AKAP8: variants seen among roughly 807,000 people sequenced by gnomAD.
AKAP8 encodes A-kinase anchor protein 8.
AKAP8 carries 24 observed loss-of-function variants against 67.5 expected under a neutral mutation model. The ratio of observed to expected loss-of-function variants is 0.36; its 90% CI spans 0.26 to 0.50. The LOEUF (loss-of-function observed/expected upper bound fraction) is 0.50, where lower values mean the gene tolerates loss of function less well. Ranked by LOEUF, AKAP8 falls within the 20% of genes least tolerant of loss-of-function variation. The pLI is 0.97. For synonymous variants in AKAP8, 400 were observed against 371.1 expected (o/e 1.08, Z -0.90); for missense variants, 971 against 955.9 (o/e 1.02, Z -0.21).
chr19:15,379,638 G>A (rs1416589372), intron 1 of AKAP8, 75 bp downstream of exon 1: 37 of 1,524,138 alleles, frequency 2.4e-5, no homozygotes, highest in Non-Finnish European at 3.2e-5. Context: ...CCCGGCCGGC[G>A]GCAGTCTGCG....
In AKAP8 at chr19:15,369,567, C is replaced by T. The variant is rs775644751; in HGVS notation, c.1072+579G>A. 7.2e-5 allele frequency among the ~76,000 whole-genome samples: 11 copies of T among 152,224 alleles called. No homozygotes were observed. Among genetic ancestry groups the T allele is most frequent in the Non-Finnish European group, 1.5e-4 (10 of 68,044 alleles). On this transcript the variant is annotated intron_variant, in intron 8 of 13. Transcript: ENST00000269701. This position sits in a 1 kb window ranked among gnomAD's most constrained non-coding sequence, Gnocchi z 4.6. ...CTGCTGTTGCTGCAGACCCTCTGGT[C>T]TCCTGCATTGGACATGAAGAGACCT...
chr19:15,375,786 G>A (rs560094937), intron 2 of AKAP8, among the ~76,000 whole-genome samples: 2 of 151,974 alleles, frequency 1.3e-5, no homozygotes, highest in South Asian at 2.1e-4. Context: ...ACAGGCGCCC[G>A]CCACCGCGCC....
At chr19:15,365,543 C>A (rs1408858430) in intron 9 of AKAP8, among the ~76,000 whole-genome samples, 2 of 152,162 alleles carry the variant, frequency 1.3e-5, no homozygotes, top group Non-Finnish European at 2.9e-5. Flanking sequence ...ACTCCACATG[C>A]CTGGCTTCTG....
intron 9 of AKAP8, 74 bp downstream of exon 9, chr19:15,368,161 G>C: frequency 6.3e-7 from 1 of 1,579,806 alleles, no homozygotes; most frequent in Non-Finnish European, 8.6e-7. Flanking sequence ...TGTGGAGCGA[G>C]GACAGGTGAG....
At chr19:15,373,643 G>T in intron 4 of AKAP8, 143 bp downstream of exon 4, 1 of 1,093,392 alleles carries the variant, frequency 9.1e-7, no homozygotes. Flanking sequence ...TAACATCACT[G>T]ACCCCCCACG....
chr19:15,372,443 G>A, intron 5 of AKAP8, 96 bp from the exon 6 acceptor site: 1 of 1,486,466 alleles, frequency 6.7e-7, no homozygotes, highest in Non-Finnish European at 9.2e-7. Context: ...GACAACACAG[G>A]CACAAAAGGT....
chr19:15,371,636 G>A (rs1338290185), intron 7 of AKAP8, among the ~76,000 whole-genome samples: 6 of 151,932 alleles, frequency 3.9e-5, no homozygotes, highest in Non-Finnish European at 7.4e-5. Context: ...CTACAGGCAA[G>A]TGCCACCACT....
At chr19:15,377,537 C>T (rs1237827700) in intron 1 of AKAP8, among the ~76,000 whole-genome samples, 1 of 152,150 alleles carries the variant, frequency 6.6e-6, no homozygotes, top group Non-Finnish European at 1.5e-5. Context: ...GCCGCGATCT[C>T]GGCTCACTGC....
intron 3 of AKAP8, among the ~76,000 whole-genome samples, 183 bp downstream of exon 3, chr19:15,374,418 CCT>C (rs1489297810): frequency 3.9e-5 from 6 of 152,230 alleles, no homozygotes; most frequent in African/African-American, 9.6e-5. Context: ...ATCATGCTCC[CCT>C]GAGGCCGCCC....
chr19:15,374,654 A>C lies in AKAP8; in HGVS notation c.59-19T>G. On this transcript the variant is annotated intron_variant, in intron 2 of 13. Transcript: ENST00000269701. ...TATGCACCTTAGGGGAAACAGAAAC[A>C]CACAAGAGCCCTGTTTGCAGAACGA... 6.2e-7 allele frequency: 1 copy of C among 1,613,068 alleles called. No homozygotes were observed. Among genetic ancestry groups the C allele is most frequent in the Middle Eastern group, 1.7e-4 (1 of 6,058 alleles).
rs1967175950 is a variant in AKAP8, at chr19:15,372,472, G to A, written c.862-125C>T. On this transcript the variant is annotated intron_variant, in intron 5 of 13. Transcript: ENST00000269701. ...AAAAGGTCTTTTCAAAAAGCAAAGA[G>A]ACAACATAATTTGAAACTAAAAAGA... The A allele has an allele frequency of 3.7e-6, 5 of 1,334,540 alleles. No homozygotes were observed. The South Asian group carries it at 4.3e-5, about 11-fold the overall frequency. 82.7% of individuals were successfully genotyped at this position (1,334,540 alleles called of 1,614,324 possible).
rs533093236 is a variant in AKAP8, at chr19:15,371,416, A to C, written c.1038+536T>G. 9.2e-5 allele frequency among the ~76,000 whole-genome samples: 14 copies of C among 152,240 alleles called. No homozygotes were observed. The South Asian group carries it at 2.9e-3, about 32-fold the overall frequency. On this transcript the variant is annotated intron_variant, in intron 7 of 13. Coordinates refer to ENST00000269701, the MANE Select transcript of AKAP8 (RefSeq NM_005858.4). ...GGAGGCTTCAGCCCACAGTCCCTGC[A>C]CTTACTGGCCTAGAGACCAGGGAGA...
At chr19:15,375,638 T>G (rs867176504) in intron 2 of AKAP8, among the ~76,000 whole-genome samples, 2 of 56,336 alleles carry the variant, frequency 3.6e-5, no homozygotes, top group African/African-American at 1.6e-4. Context: ...AAGATTTTTT[T>G]TTTGTTTTTT....
At chr19:15,357,968 C>T (rs1027999763) in intron 13 of AKAP8, among the ~76,000 whole-genome samples, 19 of 152,100 alleles carry the variant, frequency 1.2e-4, no homozygotes, top group African/African-American at 4.6e-4. Context: ...CAGGTGTGAG[C>T]CACCACGCCC....
rs569129129 is a variant in AKAP8 at position 15,355,037 on chromosome 19, C to T, written c.1957G>A (p.Ala653Thr). ...RSEAAEAGNG[A>T]ETMAAEAESA... ...TCTGCCTCTGCTGCCATTGTCTCGG[C>T]GCCATTTCCAGCCTCTGCAGCCTCA... Residue 653 changes from alanine (A) to threonine (T), a missense_variant, in exon 14 of 14, where the codon GCC (alanine) becomes ACC (threonine). This residue lies in a region of AKAP8 where 204 missense variants were observed against 193.0 expected (regional missense o/e 1.06). Coordinates refer to ENST00000269701, the MANE Select transcript of AKAP8 (RefSeq NM_005858.4). 7.9e-5 allele frequency: 128 copies of T among 1,614,136 alleles called. No homozygotes were observed. The highest frequency in any genetic ancestry group is 4.4e-4 in the South Asian group (40 of 91,084).
intron 1 of AKAP8, among the ~76,000 whole-genome samples, chr19:15,377,871 C>A (rs1217427872): frequency 6.6e-6 from 1 of 152,164 alleles, no homozygotes; most frequent in Non-Finnish European, 1.5e-5. Context: ...CCCTCCACAC[C>A]CCCCGCCCAC....
chr19:15,360,792 C>T lies in AKAP8; in HGVS notation c.1527+56G>A, dbSNP rs79400813. On this transcript the variant is annotated intron_variant, in intron 12 of 13. Transcript: ENST00000269701. ...GTTATTCCCCATAAGACACAGCAGGCTCTGAGCCGCAGCCCTGCAATGAGC... is the reference window on the plus strand; with the variant it reads ...GTTATTCCCCATAAGACACAGCAGGTTCTGAGCCGCAGCCCTGCAATGAGC... The T allele has an allele frequency of 8.8e-4, 1,392 of 1,573,334 alleles. 14 individuals carry two copies. In the African/African-American group the frequency reaches 0.017, roughly 19 times the overall value.
At chr19:15,356,127 G>A (rs193115844) in intron 13 of AKAP8, among the ~76,000 whole-genome samples, 4 of 152,162 alleles carry the variant, frequency 2.6e-5, no homozygotes, top group South Asian at 2.1e-4. Context: ...GAGGCCGGGC[G>A]TGATGGCTCA....
In AKAP8 at chr19:15,354,859, A is replaced by G; in HGVS notation, c.*56T>C. The stretch of plus-strand genomic sequence containing the variant: ...CCTTGTACTGCTTACAAACCAAGGG[A>G]GAAAGACCAACGCATCCATCATCCC... On this transcript the variant is annotated 3_prime_UTR_variant, in exon 14 of 14. Transcript: ENST00000269701. The G allele has an allele frequency of 6.3e-7, 1 of 1,587,052 alleles. No homozygotes were observed. Among genetic ancestry groups the G allele is most frequent in the Non-Finnish European group, 8.6e-7 (1 of 1,164,422 alleles).
Sources: gnomAD v4.1 joint callset for allele counts (sites outside exome capture counted in the v4.1 genomes callset) on GRCh38, gnomAD v4.1.1 for gene constraint, gnomAD v4.1.1 regional missense constraint, Gnocchi (gnomAD v3.1) non-coding constraint, MANE v1.5 for transcripts, NCBI Gene and HGNC (gene_info 2026-07-23, HGNC 2026-07-21) for gene names.